Variants in BLOC1S1 observed in about 807,000 individuals in gnomAD.
BLOC1S1 encodes the protein biogenesis of lysosome-related organelles complex 1 subunit 1.
A neutral mutation model predicts 19.0 loss-of-function variants in BLOC1S1; 11 were observed. The observed-to-expected ratio is 0.58, with a 90% CI of 0.37 to 0.96. BLOC1S1 has a LOEUF of 0.96. Ranked by LOEUF, BLOC1S1 falls within the 40% of genes least tolerant of loss-of-function variation. The probability of loss-of-function intolerance (pLI) is 0.01; values close to 1 mark genes in which losing one functional copy is unlikely to be tolerated. For synonymous variants in BLOC1S1, 94 were observed against 76.4 expected, an observed-to-expected ratio of 1.23 and a Z score of -1.20; for missense variants, 220 against 195.9, an observed-to-expected ratio of 1.12 and a Z score of -0.73.
At chr12:55,718,518 T>TGTG (rs1565652869) in intron 2 of BLOC1S1, among the ~76,000 whole-genome samples, 92 of 125,360 alleles carry the variant, frequency 7.3e-4, no homozygotes, top group African/African-American at 3.1e-3. Context: ...GTGTGTGTGT[T>TGTG]TGTGTGTGTT....
intron 1 of BLOC1S1, 125 bp downstream of exon 1, chr12:55,716,321 G>A: frequency 6.7e-7 from 1 of 1,494,982 alleles, no homozygotes; most frequent in Non-Finnish European, 8.9e-7. Context: ...CGGGCATGGG[G>A]GAGAGGGAAT....
chr12:55,719,235 T>C lies in BLOC1S1; in HGVS notation c.351+12T>C, dbSNP rs775287246. 1.1e-5 allele frequency: 17 copies of C among 1,613,778 alleles called. No homozygotes were observed. The South Asian group carries it at 1.6e-4, about 16-fold the overall frequency. ...ACCAGGCACTCAAGGTGGGCCATAC[T>C]CCCTACCTCACCACCCCAATCCTGG... On this transcript the variant is annotated intron_variant, in intron 3 of 3. Coordinates refer to ENST00000548925, the MANE Select transcript of BLOC1S1 (RefSeq NM_001487.4).
intron 3 of BLOC1S1, 133 bp from the exon 4 acceptor site, chr12:55,719,366 G>T: frequency 6.7e-7 from 1 of 1,489,330 alleles, no homozygotes; most frequent in Non-Finnish European, 9.3e-7. Flanking sequence ...AAAAGGTAGA[G>T]AAAGAAAGAA....
chr12:55,716,071 G>A lies in BLOC1S1; in HGVS notation c.20G>A (p.Gly7Asp), dbSNP rs1876493136. The A allele has an allele frequency of 1.3e-6, 2 of 1,569,286 alleles. No homozygotes were observed. Among genetic ancestry groups the A allele is most frequent in the Non-Finnish European group, 1.7e-6 (2 of 1,158,030 alleles). The change falls in exon 1 of 4, where the codon GGT (glycine) becomes GAT (aspartate). Residue 7 changes from glycine to aspartate, a missense_variant. Transcript: ENST00000548925. ...CGTGACATGGCCCCGGGGAGCCGAGGTGAGCGTTCCAGCTTCCGGAGCCGG... is the reference window on the plus strand; with the variant it reads ...CGTGACATGGCCCCGGGGAGCCGAGATGAGCGTTCCAGCTTCCGGAGCCGG... MAPGSR[G>D]ERSSFRSRRG...
intron 2 of BLOC1S1, among the ~76,000 whole-genome samples, chr12:55,718,492 A>ATGTGTGTGTG (rs5798357): frequency 2.3e-4 from 35 of 150,008 alleles, no homozygotes; most frequent in African/African-American, 8.3e-4. Flanking sequence ...GAGGGAGAGC[A>ATGTGTGTGTG]TGTGTGTGTG....
chr12:55,716,123 G>T lies in BLOC1S1; in HGVS notation c.72G>T (p.Gln24His), dbSNP rs369750791. ...SRRGPGVPSP[Q>H]PDVTMLSRLL... ...GGGGGCCCGGCGTACCCAGCCCCCA[G>T]CCCGACGTGACCATGCTGTCCCGCC... is the stretch of plus-strand genomic sequence containing the variant. The change falls in exon 1 of 4, where the codon CAG becomes CAT. Residue 24 changes from glutamine to histidine, a missense_variant. Transcript: ENST00000548925. 27 of 1,609,664 alleles carry T rather than the reference G, an allele frequency of 1.7e-5. No homozygotes were observed. Among genetic ancestry groups the T allele is most frequent in the Admixed American group, 1.0e-4 (6 of 59,516 alleles).
In BLOC1S1 at chr12:55,716,178, G is replaced by T. The variant is rs375543154; in HGVS notation, c.127G>T (p.Glu43Ter). 8 of 1,611,466 alleles carry T rather than the reference G, an allele frequency of 5.0e-6. No individual in the cohort carries two copies. The highest frequency in any genetic ancestry group is 1.7e-5 in the Admixed American group (1 of 59,708). ...LLKEHQAKQN[E>*]RKELQEKRRR... ...AAAAGAACACCAGGCCAAGCAGAAT[G>T]AACGCAAGGAGCTGCAGGGTGAGCC... The change falls in exon 1 of 4, where the codon GAA becomes TAA. Residue 43 changes from glutamate (E) to a stop codon, truncating the protein, a stop_gained. Coordinates refer to ENST00000548925, the MANE Select transcript of BLOC1S1 (RefSeq NM_001487.4). LOFTEE classifies it high-confidence loss of function.
At position 55,719,031 on chromosome 12, in the gene BLOC1S1, A is replaced by C. The variant is rs1876775438; in HGVS notation, c.219-60A>C. On this transcript the variant is annotated intron_variant, in intron 2 of 3. Transcript: ENST00000548925. ...ACTCCCACTGCTGCAATGGAATATT[A>C]GTCCCGGAGACCACCCCCAACTAGC... 3 of 1,571,284 alleles carry C rather than the reference A, an allele frequency of 1.9e-6. No individual in the cohort carries two copies. In the Admixed American group the frequency reaches 5.5e-5, roughly 29 times the overall value.
Position 55,719,606 on chromosome 12 carries a change from C to T in BLOC1S1, c.459C>T (p.Ser153=), listed in dbSNP as rs756101163. 1.2e-6 allele frequency: 2 copies of T among 1,613,622 alleles called. No individual in the cohort carries two copies. Among genetic ancestry groups the T allele is most frequent in the South Asian group, 2.2e-5 (2 of 91,070 alleles). Residue 153 remains serine (S), a synonymous_variant, in exon 4 of 4, where the codon TCC becomes TCT. Coordinates refer to ENST00000548925, the MANE Select transcript of BLOC1S1 (RefSeq NM_001487.4). ...VYKGQLQSAP[S] The stretch of plus-strand genomic sequence containing the variant: ...AAGGGCAGCTGCAGTCTGCCCCTTC[C>T]TAGCCCCTGTTCCCTCCCCCAACCC...
rs1236725983 is a variant in BLOC1S1, at chr12:55,719,651, G to A, written c.*42G>A. 14 of 1,542,034 alleles carry A rather than the reference G, an allele frequency of 9.1e-6. No homozygotes were observed. Among genetic ancestry groups the A allele is most frequent in the South Asian group, 4.5e-5 (4 of 89,400 alleles). On this transcript the variant is annotated 3_prime_UTR_variant, in exon 4 of 4. Transcript: ENST00000548925. The stretch of plus-strand genomic sequence containing the variant: ...CAACCCTATCCCTCCTACCTCACCC[G>A]CAGGGGGAAGGAGGGAGGCTGACAA...
At chr12:55,716,731 C>T in intron 1 of BLOC1S1, 1 of 1,289,998 alleles carries the variant, frequency 7.8e-7, no homozygotes, top group African/African-American at 1.6e-5. Flanking sequence ...AGTCCATTTC[C>T]CTCCCAGGGT....
Position 55,719,440 on chromosome 12 carries a change from G to A in BLOC1S1, c.352-59G>A, listed in dbSNP as rs1002657866. ...ATGAATAAAACGTATTCCCCAGACT[G>A]GAAGCCATACTCTACCCATTCTGAT... On this transcript the variant is annotated intron_variant, in intron 3 of 3. Coordinates refer to ENST00000548925, the MANE Select transcript of BLOC1S1 (RefSeq NM_001487.4). 3.9e-6 allele frequency: 6 copies of A among 1,525,440 alleles called. No homozygotes were observed. The African/African-American group carries it at 8.2e-5, about 21-fold the overall frequency. 94.5% of individuals were successfully genotyped at this position (1,525,440 alleles called of 1,614,324 possible).
chr12:55,717,241 C>T (rs1287966680), intron 2 of BLOC1S1, among the ~76,000 whole-genome samples: 2 of 152,210 alleles, frequency 1.3e-5, no homozygotes, highest in Admixed American at 6.5e-5. Context: ...TCCCCTTCCC[C>T]ACGTTAACTT....
rs764629828 is a variant in BLOC1S1 at position 55,716,057 on chromosome 12, C to T, written c.6C>T (p.Ala2=). Residue 2 remains alanine, a synonymous_variant, in exon 1 of 4, where the codon GCC becomes GCT. Coordinates refer to ENST00000548925, the MANE Select transcript of BLOC1S1 (RefSeq NM_001487.4). ...TGACACAGCGGTCACGTGACATGGC[C>T]CCGGGGAGCCGAGGTGAGCGTTCCA... M[A]PGSRGERSSF... The T allele has an allele frequency of 6.4e-7, 1 of 1,557,706 alleles. No homozygotes were observed. The highest frequency in any genetic ancestry group is 1.4e-5 in the African/African-American group (1 of 73,374).
chr12:55,716,478 C>T, intron 1 of BLOC1S1: 1 of 1,299,028 alleles, frequency 7.7e-7, no homozygotes. Flanking sequence ...TGCCTATTGG[C>T]CCTGGGAGCC....
intron 2 of BLOC1S1, among the ~76,000 whole-genome samples, chr12:55,717,736 T>C (rs1876681017): frequency 6.6e-6 from 1 of 152,188 alleles, no homozygotes; most frequent in South Asian, 2.1e-4. Context: ...ATGCAGGGGC[T>C]GGGGTCATCT....
chr12:55,719,319 G>A (rs770890073), intron 3 of BLOC1S1, 96 bp downstream of exon 3: 2 of 1,593,608 alleles, frequency 1.3e-6, no homozygotes, highest in African/African-American at 1.3e-5. Flanking sequence ...AGGAAGTAGG[G>A]TGGTCCCAGA....
In BLOC1S1 at chr12:55,716,196, G is replaced by A; in HGVS notation, c.145G>A (p.Glu49Lys). The A allele has an allele frequency of 1.2e-6, 2 of 1,607,778 alleles. No individual in the cohort carries two copies. Among genetic ancestry groups the A allele is most frequent in the Non-Finnish European group, 1.7e-6 (2 of 1,177,022 alleles). Residue 49 changes from glutamate (E) to lysine (K), a missense_variant and splice_region_variant, in exon 1 of 4, where the codon GAA becomes AAA. By Grantham distance (56) the Glu-to-Lys change is moderately conservative. Transcript: ENST00000548925. ...GCAGAATGAACGCAAGGAGCTGCAG[G>A]GTGAGCCAAATATCCTGTCGGCCGT... ...AKQNERKELQ[E>K]KRRREAITAA...
Position 55,719,516 on chromosome 12 carries a change from G to A in BLOC1S1, c.369G>A (p.Glu123=), listed in dbSNP as rs138092877. The part of the protein sequence containing the change: ...NQALKEIGDV[E]NWARSIELDM... ...CTTCCCAGGAAATTGGGGATGTGGA[G>A]AACTGGGCTCGGAGCATCGAGCTGG... The change falls in exon 4 of 4, where the codon GAG becomes GAA. Residue 123 remains glutamate (E), a synonymous_variant. Coordinates refer to ENST00000548925, the MANE Select transcript of BLOC1S1 (RefSeq NM_001487.4). 3.7e-6 allele frequency: 6 copies of A among 1,614,048 alleles called. No homozygotes were observed. The African/African-American group carries it at 5.3e-5, about 14-fold the overall frequency.
Sources: allele counts gnomAD v4.1 joint callset (sites outside exome capture counted in the v4.1 genomes callset), GRCh38; gene constraint gnomAD v4.1.1; transcripts MANE v1.5; gene names NCBI Gene and HGNC (gene_info 2026-07-23, HGNC 2026-07-21).